KIAA0586: variants seen among roughly 807,000 people sequenced by gnomAD.
KIAA0586 encodes KIAA0586.
A neutral mutation model predicts 169.8 loss-of-function variants in KIAA0586; 144 were observed. The observed-to-expected ratio is 0.85, with a 90% CI of 0.74 to 0.97. The LOEUF is 0.97. Among genes scored for constraint, KIAA0586 ranks in the 50% least tolerant of loss-of-function variants. KIAA0586 has a pLI of 0.00. For synonymous variants in KIAA0586, 625 were observed against 612.4 expected, an observed-to-expected ratio of 1.02 and a Z score of -0.30; for missense variants, 1,854 against 1,823.0, an observed-to-expected ratio of 1.02 and a Z score of -0.31.
Position 58,547,729 on chromosome 14 carries a change from G to T in KIAA0586, c.4496-52G>T, listed in dbSNP as rs527804249. 5.9e-6 allele frequency: 8 copies of T among 1,357,766 alleles called. No individual in the cohort carries two copies. In the African/African-American group the frequency reaches 1.2e-4, roughly 20 times the overall value. 84.1% of individuals were successfully genotyped at this position (1,357,766 alleles called of 1,614,324 possible). A position where few individuals can be genotyped will look rare whatever the true frequency, so the allele number is the denominator to read the frequency against. ...TATTATTTCGCAAAGCATAAAGCAC[G>T]TAAATACTCAGGTTACGCATGTTGA... is the stretch of plus-strand genomic sequence containing the variant. On this transcript the variant is annotated intron_variant, in intron 30 of 30. Transcript: ENST00000652326.
intron 3 of KIAA0586, among the ~76,000 whole-genome samples, chr14:58,431,072 C>T (rs1025228764): frequency 6.6e-6 from 1 of 152,126 alleles, no homozygotes; most frequent in Non-Finnish European, 1.5e-5. Flanking sequence ...TCAGAATTTT[C>T]TTCTTAAGGG....
intron 4 of KIAA0586, chr14:58,439,648 A>T (rs1239340593): frequency 6.4e-6 from 1 of 155,768 alleles, no homozygotes; most frequent in African/African-American, 2.4e-5. Context: ...ATTGTGATGA[A>T]ATAATTGACA....
intron 27 of KIAA0586, among the ~76,000 whole-genome samples, chr14:58,505,426 C>A (rs533390766): frequency 6.6e-6 from 1 of 152,308 alleles, no homozygotes; most frequent in East Asian, 1.9e-4. Context: ...TCCACACACA[C>A]ATCCTACCAG....
intron 1 of KIAA0586, 56 bp downstream of exon 1, chr14:58,428,519 T>C: frequency 7.7e-7 from 1 of 1,294,820 alleles, no homozygotes; most frequent in Non-Finnish European, 1.1e-6. Context: ...TCTTTAGTCC[T>C]TATTTGTTTA....
intron 1 of KIAA0586, 60 bp from the exon 2 acceptor site, chr14:58,429,303 G>T: frequency 9.6e-7 from 1 of 1,036,806 alleles, no homozygotes; most frequent in African/African-American, 1.6e-5. Flanking sequence ...TGCATATACA[G>T]TTTCTAAAGC....
chr14:58,484,878 TTATATATATATTTATATATA>T (rs1416310751), intron 21 of KIAA0586, among the ~76,000 whole-genome samples: 2 of 51,002 alleles, frequency 3.9e-5, no homozygotes, highest in African/African-American at 1.6e-4. Context: ...TTTATATATA[TTATATATATATTTATATATA>T]TATATATATA....
intron 30 of KIAA0586, among the ~76,000 whole-genome samples, chr14:58,544,946 C>T (rs1440941133): frequency 6.6e-6 from 1 of 152,176 alleles, no homozygotes; most frequent in Non-Finnish European, 1.5e-5. Flanking sequence ...CCTTCATTGC[C>T]TTCCCACCAT....
At chr14:58,428,719 T>G (rs910083593) in intron 1 of KIAA0586, among the ~76,000 whole-genome samples, 5 of 151,524 alleles carry the variant, frequency 3.3e-5, no homozygotes, top group Non-Finnish European at 7.4e-5. Context: ...TTTATATTTA[T>G]GGTGGATACA....
chr14:58,453,809 T>C (rs1189269309), intron 9 of KIAA0586, among the ~76,000 whole-genome samples: 1 of 152,186 alleles, frequency 6.6e-6, no homozygotes, highest in Non-Finnish European at 1.5e-5. Flanking sequence ...CAAAAGTTAA[T>C]GATTGTTGTA....
intron 26 of KIAA0586, 52 bp from the exon 27 acceptor site, chr14:58,498,731 T>G: frequency 6.7e-7 from 1 of 1,493,226 alleles, no homozygotes; most frequent in Non-Finnish European, 9.0e-7. Context: ...GATTTCCTGT[T>G]TTGACTTGAT....
intron 14 of KIAA0586, chr14:58,463,887 T>C (rs567898420): frequency 6.7e-6 from 2 of 299,004 alleles, no homozygotes; most frequent in Non-Finnish European, 1.3e-5. Context: ...ACATGTGAAG[T>C]GGAAGTGTAG....
At chr14:58,436,685 A>G (rs1278426403) in intron 4 of KIAA0586, among the ~76,000 whole-genome samples, 1 of 152,222 alleles carries the variant, frequency 6.6e-6, no homozygotes, top group East Asian at 1.9e-4. Context: ...TTTATACTGT[A>G]TATGTGTGTA....
At position 58,544,040 on chromosome 14, in the gene KIAA0586, T is replaced by A. The variant is rs1315514527; in HGVS notation, c.4496-3741T>A. ...CTCTCACCCTCCAGTCTCAAGTAGA[T>A]CCCAGTGTTTGTTGTTTCCTTCTTT... On this transcript the variant is annotated intron_variant, in intron 30 of 30. Coordinates refer to ENST00000652326, the MANE Select transcript of KIAA0586 (RefSeq NM_001329943.3). 4.9e-5 allele frequency: 19 copies of A among 386,090 alleles called. 1 individual carries two copies. The highest frequency in any genetic ancestry group is 3.8e-4 in the South Asian group (19 of 49,856). The allele number at this position is 386,090 out of a possible 1,614,324, so 23.9% of individuals were successfully genotyped here.
At chr14:58,484,951 T>TTTTTTTTG in intron 21 of KIAA0586, among the ~76,000 whole-genome samples, 1 of 101,444 alleles carries the variant, frequency 9.9e-6, no homozygotes, top group Non-Finnish European at 1.9e-5. Flanking sequence ...TTTTTTTTTT[T>TTTTTTTTG]GAGATGGAGT....
chr14:58,534,145 G>A (rs1443405752), intron 29 of KIAA0586, among the ~76,000 whole-genome samples: 1 of 152,152 alleles, frequency 6.6e-6, no homozygotes, highest in Non-Finnish European at 1.5e-5. Context: ...TTTAGGAAGG[G>A]TTTCCATCTC....
chr14:58,530,230 T>G lies in KIAA0586; in HGVS notation c.4430-9841T>G, dbSNP rs985524687. 5.7e-4 allele frequency among the ~76,000 whole-genome samples: 87 copies of G among 152,250 alleles called. 1 individual carries two copies. Among genetic ancestry groups the G allele is most frequent in the African/African-American group, 2.0e-3 (84 of 41,544 alleles). On this transcript the variant is annotated intron_variant, in intron 29 of 30. Coordinates refer to ENST00000652326, the MANE Select transcript of KIAA0586 (RefSeq NM_001329943.3). ...TGGCAAAACATTCCATGCTTATGGA[T>G]AGGAAGAATCAATATTGTGAAAAAG...
intron 28 of KIAA0586, 141 bp from the exon 29 acceptor site, chr14:58,512,381 C>T (rs553258342): frequency 3.6e-5 from 19 of 526,536 alleles, no homozygotes; most frequent in Non-Finnish European, 5.3e-5. Flanking sequence ...GGTAGAAGTG[C>T]GAATAAATAA....
intron 4 of KIAA0586, among the ~76,000 whole-genome samples, chr14:58,438,836 G>C (rs563161160): frequency 6.6e-6 from 1 of 152,260 alleles, no homozygotes; most frequent in Admixed American, 6.5e-5. Flanking sequence ...AGTCACTTGT[G>C]GGCATGGCAT....
intron 28 of KIAA0586, among the ~76,000 whole-genome samples, chr14:58,510,478 G>A (rs2044311431): frequency 6.6e-6 from 1 of 152,164 alleles, no homozygotes; most frequent in African/African-American, 2.4e-5. Flanking sequence ...CTAAAAGGCG[G>A]TCATGCCAAG....
Sources: allele counts gnomAD v4.1 joint callset (sites outside exome capture counted in the v4.1 genomes callset), GRCh38; gene constraint gnomAD v4.1.1; transcripts MANE v1.5; gene names NCBI Gene and HGNC (gene_info 2026-07-23, HGNC 2026-07-21).